Variants in ELOA observed in about 807,000 individuals in gnomAD.
ELOA encodes elongin-A.
In ELOA, 15 loss-of-function variants were observed where a neutral mutation model predicts 85.2. That is an observed-to-expected ratio of 0.18 (90% CI 0.12 to 0.27). The LOEUF is 0.27. ELOA is among the 10% of genes least tolerant of loss of function. The pLI is 1.00. For synonymous variants in ELOA, 348 were observed against 357.2 expected (o/e 0.97, Z 0.29); for missense variants, 769 against 952.7 (o/e 0.81, Z 2.54).
chr1:23,751,793 G>A lies in ELOA; in HGVS notation c.1188G>A (p.Met396Ile), dbSNP rs1456982219. 1 of 1,614,054 alleles carries A rather than the reference G, an allele frequency of 6.2e-7. No homozygotes were observed. Among genetic ancestry groups the A allele is most frequent in the Non-Finnish European group, 8.5e-7 (1 of 1,180,054 alleles). Residue 396 changes from methionine to isoleucine, a missense_variant, in exon 4 of 11, where the codon ATG becomes ATA. Met to Ile is a conservative substitution (Grantham distance 10, BLOSUM62 1). Around this residue, in one of 4 missense-constraint regions of ELOA, gnomAD observed 193 missense variants for 278.9 expected, o/e 0.69. Transcript: ENST00000613537. Reference sequence around the variant, plus strand: ...TCCCTAAAGTTGAGGAGACAGATATGGAGGATGAATTCGAGCAGCCAACCA... The same window carrying A: ...TCCCTAAAGTTGAGGAGACAGATATAGAGGATGAATTCGAGCAGCCAACCA... Reference protein sequence around the residue: ...GSLPKVEETDMEDEFEQPTMS... With the variant: ...GSLPKVEETDIEDEFEQPTMS...
Position 23,751,350 on chromosome 1 carries a change from C to T in ELOA, c.745C>T (p.His249Tyr), listed in dbSNP as rs147855980. Reference protein sequence around the residue: ...VSQNKEHKSSHKDKRPVDAKS... With the variant: ...VSQNKEHKSSYKDKRPVDAKS... ...TCAAAACAAGGAGCACAAATCTTCC[C>T]ACAAGGACAAACGCCCCGTGGATGC... is the stretch of plus-strand genomic sequence containing the variant. The change falls in exon 4 of 11, where the codon CAC becomes TAC. Residue 249 changes from histidine (H) to tyrosine (Y), a missense_variant. His to Tyr is a moderately conservative substitution (Grantham distance 83, BLOSUM62 2). Coordinates refer to ENST00000613537, the MANE Select transcript of ELOA (RefSeq NM_003198.3). 8.7e-6 allele frequency: 14 copies of T among 1,614,188 alleles called. No homozygotes were observed. In the East Asian group the frequency reaches 2.7e-4, roughly 31 times the overall value.
intron 1 of ELOA, 99 bp from the exon 2 acceptor site, chr1:23,748,922 A>T: frequency 1.1e-6 from 1 of 894,412 alleles, no homozygotes; most frequent in Non-Finnish European, 1.8e-6. Context: ...CATAATACTT[A>T]TACTCATTAC....
Position 23,760,876 on chromosome 1 carries a change from C to G in ELOA, c.*1303C>G, listed in dbSNP as rs1391783697. The G allele has an allele frequency of 6.6e-6, 1 of 152,030 alleles. No individual in the cohort carries two copies. The highest frequency in any genetic ancestry group is 1.5e-5 in the Non-Finnish European group (1 of 68,024). 9.4% of individuals were successfully genotyped at this position (152,030 alleles called of 1,614,324 possible). On this transcript the variant is annotated 3_prime_UTR_variant, in exon 11 of 11. Transcript: ENST00000613537. ...CAGTGTCAGCTCCCTTGTTGGCTGT[C>G]AAGGAACACCGATCTAGTAGAAACC... is the stretch of plus-strand genomic sequence containing the variant.
chr1:23,751,102 C>T lies in ELOA; in HGVS notation c.497C>T (p.Ser166Phe), dbSNP rs1391347482. The change falls in exon 4 of 11, where the codon TCT becomes TTT. Residue 166 changes from serine (S) to phenylalanine (F), a missense_variant. Around this residue, in one of 4 missense-constraint regions of ELOA, gnomAD observed 440 missense variants for 474.0 expected, o/e 0.93. Transcript: ENST00000613537. ...TGTCACAGAATGTCACCAACTTACT[C>T]TTCAGACCCTGAGTCTTCTGATTAT... ...KRCHRMSPTY[S>F]SDPESSDYGH... 3.1e-6 allele frequency: 5 copies of T among 1,614,018 alleles called. No homozygotes were observed. Among genetic ancestry groups the T allele is most frequent in the Non-Finnish European group, 4.2e-6 (5 of 1,180,056 alleles).
chr1:23,750,244 CG>C (rs1644763829), intron 3 of ELOA, among the ~76,000 whole-genome samples: 1 of 133,398 alleles, frequency 7.5e-6, no homozygotes, highest in Admixed American at 9.0e-5. Context: ...GGCGTGATCT[CG>C]GCTCACTGCA....
intron 7 of ELOA, 146 bp from the exon 8 acceptor site, chr1:23,755,697 T>A: frequency 3.1e-6 from 2 of 639,976 alleles, no homozygotes; most frequent in Non-Finnish European, 5.1e-6. Context: ...TGAGAATCGC[T>A]TGAACCCAGG....
chr1:23,756,557 G>C (rs932008625), intron 9 of ELOA, among the ~76,000 whole-genome samples, 172 bp downstream of exon 9: 1 of 152,172 alleles, frequency 6.6e-6, no homozygotes, highest in Non-Finnish European at 1.5e-5. Context: ...CCGCTTCTTG[G>C]ACTGCAGTGC....
intron 2 of ELOA, 86 bp downstream of exon 2, chr1:23,749,163 G>A: frequency 8.2e-7 from 1 of 1,218,626 alleles, no homozygotes; most frequent in Non-Finnish European, 1.2e-6. Context: ...TTACAAGTAT[G>A]GGCTTTGGAA....
At chr1:23,758,254 TA>T (rs1250011067) in intron 10 of ELOA, among the ~76,000 whole-genome samples, 4,048 of 53,532 alleles carry the variant, frequency 0.076, 501 homozygotes, top group African/African-American at 0.11. Flanking sequence ...CCAATTTATT[TA>T]TTTATTTTTT....
At chr1:23,757,462 G>C (rs2148388617) in intron 10 of ELOA, among the ~76,000 whole-genome samples, 1 of 152,264 alleles carries the variant, frequency 6.6e-6, no homozygotes, top group East Asian at 1.9e-4. Flanking sequence ...ATAGGGCATA[G>C]TGGTACACAC....
rs1344117041 is a variant in ELOA, at chr1:23,758,250, TA to T, written c.2257+1126del. On this transcript the variant is annotated intron_variant, in intron 10 of 10. Coordinates refer to ENST00000613537, the MANE Select transcript of ELOA (RefSeq NM_003198.3). ...TTATATCTAATTGGGTCTTCCAATT[TA>T]TTTATTTATTTTTTTTTTTTTTTTT... 6.6e-3 allele frequency among the ~76,000 whole-genome samples: 376 copies of T among 57,250 alleles called. 13 individuals carry two copies. The highest frequency in any genetic ancestry group is 0.022 in the African/African-American group (296 of 13,526). The allele number at this position is 57,250 out of a possible 152,430, so 37.6% of individuals were successfully genotyped here. A position where few individuals can be genotyped will look rare whatever the true frequency, so the allele number is the denominator to read the frequency against.
chr1:23,749,830 G>A lies in ELOA; in HGVS notation c.133-12G>A. 2 of 1,612,802 alleles carry A rather than the reference G, an allele frequency of 1.2e-6. No individual in the cohort carries two copies. The highest frequency in any genetic ancestry group is 1.3e-5 in the African/African-American group (1 of 75,002). ...TCCAGACCCCTCTAACAATTACTTT[G>A]TCAAATTTTAGGAGACTGGGGTTGG... On this transcript the variant is annotated splice_polypyrimidine_tract_variant and intron_variant, in intron 2 of 10. Transcript: ENST00000613537.
rs1638294773 is a variant in ELOA at position 23,761,594 on chromosome 1, T to TC, written c.*2026dup. ...TTGCATAGAGCCAGATGTTTTCCCC[T>TC]CCCCCAAGAGTATCTACATCAGGGA... On this transcript the variant is annotated 3_prime_UTR_variant, in exon 11 of 11. Transcript: ENST00000613537. The TC allele has an allele frequency of 6.6e-6, 1 of 151,958 alleles. No individual in the cohort carries two copies. The highest frequency in any genetic ancestry group is 2.1e-4 in the South Asian group (1 of 4,808). 9.4% of individuals were successfully genotyped at this position (151,958 alleles called of 1,614,324 possible). A position where few individuals can be genotyped will look rare whatever the true frequency, so the allele number is the denominator to read the frequency against.
rs1162019928 is a variant in ELOA at position 23,758,259 on chromosome 1, A to ATTTTTT, written c.2257+1160_2257+1165dup. ...ATTGGGTCTTCCAATTTATTTATTT[A>ATTTTTT]TTTTTTTTTTTTTTTTTTTTTTTTT... On this transcript the variant is annotated intron_variant, in intron 10 of 10. Coordinates refer to ENST00000613537, the MANE Select transcript of ELOA (RefSeq NM_003198.3). 1.8e-3 allele frequency among the ~76,000 whole-genome samples: 75 copies of ATTTTTT among 41,940 alleles called. 1 individual carries two copies. Among genetic ancestry groups the ATTTTTT allele is most frequent in the East Asian group, 3.6e-3 (5 of 1,378 alleles). The allele number at this position is 41,940 out of a possible 152,430, so 27.5% of individuals were successfully genotyped here.
At chr1:23,748,113 G>C (rs1644754534) in intron 1 of ELOA, among the ~76,000 whole-genome samples, 1 of 152,166 alleles carries the variant, frequency 6.6e-6, no homozygotes, top group Non-Finnish European at 1.5e-5. Flanking sequence ...AGGGCAGAAC[G>C]CTGAAAGCTG....
In ELOA at chr1:23,759,937, C is replaced by T. The variant is rs1638267286; in HGVS notation, c.*364C>T. 4.1e-6 allele frequency: 1 copy of T among 244,160 alleles called. No individual in the cohort carries two copies. The highest frequency in any genetic ancestry group is 5.0e-5 in the South Asian group (1 of 19,816). The allele number at this position is 244,160 out of a possible 1,614,324, so 15.1% of individuals were successfully genotyped here. A position where few individuals can be genotyped will look rare whatever the true frequency, so the allele number is the denominator to read the frequency against. On this transcript the variant is annotated 3_prime_UTR_variant, in exon 11 of 11. Transcript: ENST00000613537. ...CAGGTTTGTTTTTGTTTTTTGTCCT[C>T]TACCACACATTTAGCCTTTTATCTT...
chr1:23,750,940 A>G lies in ELOA; in HGVS notation c.335A>G (p.Tyr112Cys). 1 of 1,614,048 alleles carries G rather than the reference A, an allele frequency of 6.2e-7. No individual in the cohort carries two copies. Among genetic ancestry groups the G allele is most frequent in the South Asian group, 1.1e-5 (1 of 91,082 alleles). The change falls in exon 4 of 11, where the codon TAC becomes TGC. Residue 112 changes from tyrosine (Y) to cysteine (C), a missense_variant. Physicochemically the swap from Tyr to Cys is radical, Grantham distance 194. Around this residue, in one of 4 missense-constraint regions of ELOA, gnomAD observed 440 missense variants for 474.0 expected, o/e 0.93. Coordinates refer to ENST00000613537, the MANE Select transcript of ELOA (RefSeq NM_003198.3). ...AAGGAGGAGGAGATGGAGGGGGACT[A>G]CCAAGAAACCTGGAAAGCCACGGGG... ...LQKEEEMEGD[Y>C]QETWKATGSR...
Position 23,751,050 on chromosome 1 carries a change from C to T in ELOA, c.445C>T (p.His149Tyr), listed in dbSNP as rs1644767988. The change falls in exon 4 of 11, where the codon CAT becomes TAT. Residue 149 changes from histidine (H) to tyrosine (Y), a missense_variant. His to Tyr is a moderately conservative substitution (Grantham distance 83). Transcript: ENST00000613537. ...LERPHKVSHGHERRDERKRCH... is the reference protein window; with the variant it reads ...LERPHKVSHGYERRDERKRCH... Reference sequence around the variant, plus strand: ...GAGACCTCACAAAGTGTCTCACGGTCATGAGAGGAGAGATGAGAGAAAGAG... The same window carrying T: ...GAGACCTCACAAAGTGTCTCACGGTTATGAGAGGAGAGATGAGAGAAAGAG... The T allele has an allele frequency of 3.1e-6, 5 of 1,613,930 alleles. No homozygotes were observed. Among genetic ancestry groups the T allele is most frequent in the Non-Finnish European group, 4.2e-6 (5 of 1,180,034 alleles).
intron 9 of ELOA, 94 bp from the exon 10 acceptor site, chr1:23,756,859 G>A (rs562559247): frequency 2.3e-6 from 3 of 1,280,846 alleles, no homozygotes; most frequent in East Asian, 2.7e-5. Context: ...CCACAAACAG[G>A]GTGAGTCATC....
Sources: allele counts gnomAD v4.1 joint callset (sites outside exome capture counted in the v4.1 genomes callset), GRCh38; gene constraint gnomAD v4.1.1; regional missense constraint gnomAD v4.1.1; transcripts MANE v1.5; gene names NCBI Gene and HGNC (gene_info 2026-07-23, HGNC 2026-07-21).